Variants in GSN observed in about 807,000 individuals in gnomAD.
GSN encodes actin-depolymerizing factor.
In GSN, 56 loss-of-function variants were observed where a neutral mutation model predicts 85.7. The ratio of observed to expected loss-of-function variants is 0.65; its 90% CI spans 0.53 to 0.82. The LOEUF (loss-of-function observed/expected upper bound fraction) is 0.82, where lower values mean the gene tolerates loss of function less well. GSN is among the 40% of genes least tolerant of loss of function. The pLI is 0.00. For synonymous variants in GSN, 373 were observed against 399.1 expected (o/e 0.93, Z 0.78); for missense variants, 857 against 979.8 (o/e 0.87, Z 1.67).
At chr9:121,325,919 G>A (rs914435933) in intron 12 of GSN, among the ~76,000 whole-genome samples, 4 of 151,936 alleles carry the variant, frequency 2.6e-5, no homozygotes, top group Non-Finnish European at 4.4e-5. Context: ...GGTGGGAAGC[G>A]ACTGCCATAT....
Position 121,259,838 on chromosome 9 carries a change from C to T in GSN, c.-340-5316C>T, listed in dbSNP as rs1416849735. On this transcript the variant is annotated intron_variant, in intron 6 of 24. Transcript: ENST00000373823. The stretch of plus-strand genomic sequence containing the variant: ...GTAGTATACTTTAAAAGAGAGATCA[C>T]AGCTTGCTGCTGAAGATTTAACTGC... Among the ~76,000 whole-genome samples, 3 of 152,192 alleles carry T rather than the reference C, an allele frequency of 2.0e-5. No homozygotes were observed. In the South Asian group the frequency reaches 6.2e-4, roughly 32 times the overall value.
intron 17 of GSN, chr9:121,331,772 G>A (rs1412258895): frequency 3.8e-6 from 1 of 262,664 alleles, no homozygotes; most frequent in African/African-American, 2.2e-5. Context: ...TGGCAAAGCA[G>A]GCCAGGCATG....
chr9:121,249,479 T>A (rs2054772232), intron 6 of GSN, among the ~76,000 whole-genome samples: 1 of 151,980 alleles, frequency 6.6e-6, no homozygotes, highest in South Asian at 2.1e-4. Flanking sequence ...CCTGTCTCAA[T>A]AAATAAATAA....
At chr9:121,236,578 G>A (rs886509277) in intron 5 of GSN, among the ~76,000 whole-genome samples, 14 of 152,022 alleles carry the variant, frequency 9.2e-5, no homozygotes, top group Middle Eastern at 3.4e-3. Flanking sequence ...GACTTCCCCC[G>A]TACCCTACAC....
chr9:121,331,571 G>C, intron 17 of GSN, 123 bp downstream of exon 17: 1 of 671,972 alleles, frequency 1.5e-6, no homozygotes, highest in Non-Finnish European at 2.7e-6. Flanking sequence ...AGATAGGGTG[G>C]GGACTTCCTC....
In GSN at chr9:121,299,488, T is replaced by C. The variant is rs2059546716; in HGVS notation, c.-9-2475T>C. The C allele has an allele frequency of 7.1e-6, 7 of 984,798 alleles. No homozygotes were observed. Among genetic ancestry groups the C allele is most frequent in the Non-Finnish European group, 7.2e-6 (6 of 829,300 alleles). The allele number at this position is 984,798 out of a possible 1,614,324, so 61.0% of individuals were successfully genotyped here. On this transcript the variant is annotated intron_variant, in intron 2 of 17. Coordinates refer to ENST00000432226, the MANE Select transcript of GSN (RefSeq NM_198252.3). This position sits in a 1 kb window ranked among gnomAD's most constrained non-coding sequence, Gnocchi z 4.2. The stretch of plus-strand genomic sequence containing the variant: ...TGCCTCGGTGAAAAGCTTTCAAAAA[T>C]TGTTAGTTCATGTTATTTTTTTGCT...
intron 4 of GSN, among the ~76,000 whole-genome samples, chr9:121,221,583 C>A (rs2054171010): frequency 6.6e-6 from 1 of 152,204 alleles, no homozygotes; most frequent in Admixed American, 6.5e-5. Context: ...GAGCATTAGG[C>A]CAGAACTCTG....
intron 5 of GSN, among the ~76,000 whole-genome samples, chr9:121,234,170 T>C (rs1213975845): frequency 2.6e-5 from 4 of 152,200 alleles, no homozygotes; most frequent in African/African-American, 9.7e-5. Flanking sequence ...TGGCTTCTTC[T>C]TGTATTCCAT....
chr9:121,327,046 C>T (rs1197112485), intron 13 of GSN: 1 of 671,610 alleles, frequency 1.5e-6, no homozygotes, highest in Non-Finnish European at 2.8e-6. Context: ...ATGGGACTCT[C>T]ACCTCCTTTG....
At chr9:121,312,220 C>A in intron 5 of GSN, 119 bp from the exon 6 acceptor site, 1 of 1,061,004 alleles carries the variant, frequency 9.4e-7, no homozygotes, top group Non-Finnish European at 1.5e-6. Flanking sequence ...CCAGCCTTCA[C>A]CTGGGCAAGT....
intron 6 of GSN, among the ~76,000 whole-genome samples, chr9:121,251,749 A>T (rs1349292712): frequency 1.3e-5 from 2 of 151,884 alleles, no homozygotes; most frequent in Non-Finnish European, 2.9e-5. Context: ...ACCTGAGGTC[A>T]GGAGTTCCAG....
intron 4 of GSN, among the ~76,000 whole-genome samples, chr9:121,219,768 CT>C (rs1376066890): frequency 1.3e-5 from 2 of 152,160 alleles, no homozygotes; most frequent in Admixed American, 6.5e-5. Flanking sequence ...TTCCAGGAAT[CT>C]TCATGAATAT....
chr9:121,218,452 T>A (rs1330314787), intron 4 of GSN, among the ~76,000 whole-genome samples: 1 of 152,082 alleles, frequency 6.6e-6, no homozygotes, highest in Non-Finnish European at 1.5e-5. Context: ...CTGGCCAATA[T>A]GGCAAAACCC....
At chr9:121,253,024 G>C (rs773906721) in intron 6 of GSN, among the ~76,000 whole-genome samples, 2 of 152,222 alleles carry the variant, frequency 1.3e-5, no homozygotes, top group Non-Finnish European at 2.9e-5. Flanking sequence ...GGGCTCTGGT[G>C]AGAGCCCTCT....
At chr9:121,270,984 C>T in intron 1 of GSN, among the ~76,000 whole-genome samples, 1 of 152,168 alleles carries the variant, frequency 6.6e-6, no homozygotes, top group Non-Finnish European at 1.5e-5. Flanking sequence ...AGTCTTGGTT[C>T]TTTGGGTGAC....
In GSN at chr9:121,331,415, CAAG is replaced by C. The variant is rs751627510; in HGVS notation, c.2002_2004del (p.Glu668del). ...CTTTGTCTGGGTTGGAAAGGATTCTCAAGAAGAAGAAAAGACAGAAGCCTTGAC... is the reference window on the plus strand; with the variant it reads ...CTTTGTCTGGGTTGGAAAGGATTCTCAAGAAGAAAAGACAGAAGCCTTGAC... On this transcript the variant is annotated inframe_deletion, in exon 17 of 18. Transcript: ENST00000432226. 37 of 1,607,650 alleles carry C rather than the reference CAAG, an allele frequency of 2.3e-5. No individual in the cohort carries two copies. In the Admixed American group the frequency reaches 3.0e-4, roughly 13 times the overall value.
chr9:121,292,954 A>T (rs1390745164), intron 2 of GSN, among the ~76,000 whole-genome samples: 1 of 151,886 alleles, frequency 6.6e-6, no homozygotes, highest in Non-Finnish European at 1.5e-5. Flanking sequence ...AGGCACTTTG[A>T]CCCCGATTTT....
At chr9:121,246,466 CA>C (rs2054701597) in intron 5 of GSN, among the ~76,000 whole-genome samples, 1 of 152,078 alleles carries the variant, frequency 6.6e-6, no homozygotes, top group Non-Finnish European at 1.5e-5. Flanking sequence ...ATCATGGACA[CA>C]AATATTGAAA....
In GSN at chr9:121,331,428, A is replaced by C; in HGVS notation, c.2006A>C (p.Lys669Thr). Reference sequence around the variant, plus strand: ...GGAAAGGATTCTCAAGAAGAAGAAAAGACAGAAGCCTTGACTTCTGGTGAG... The same window carrying C: ...GGAAAGGATTCTCAAGAAGAAGAAACGACAGAAGCCTTGACTTCTGGTGAG... ...WVGKDSQEEE[K>T]TEALTSAKRY... The change falls in exon 17 of 18, where the codon AAG becomes ACG. Residue 669 changes from lysine (K) to threonine (T), a missense_variant. By Grantham distance (78) the Lys-to-Thr change is moderately conservative (BLOSUM62 -1). Transcript: ENST00000432226. 6.4e-7 allele frequency: 1 copy of C among 1,555,356 alleles called. No individual in the cohort carries two copies. Among genetic ancestry groups the C allele is most frequent in the Non-Finnish European group, 8.7e-7 (1 of 1,143,554 alleles).
Sources: allele counts gnomAD v4.1 joint callset (sites outside exome capture counted in the v4.1 genomes callset), GRCh38; gene constraint gnomAD v4.1.1; non-coding constraint Gnocchi (gnomAD v3.1); transcripts MANE v1.5; gene names NCBI Gene and HGNC (gene_info 2026-07-23, HGNC 2026-07-21).